Variants in APLP2 observed in about 807,000 individuals in gnomAD.
The protein encoded by APLP2 is amyloid beta precursor like protein 2, also known as CDEI box-binding protein.
In APLP2, 53 loss-of-function variants were observed where a neutral mutation model predicts 89.9. That is an observed-to-expected ratio of 0.59 (90% CI 0.47 to 0.74). The LOEUF is 0.74. APLP2 is among the 30% of genes least tolerant of loss of function. APLP2 has a pLI of 0.00. For synonymous variants in APLP2, 372 were observed against 348.6 expected (o/e 1.07, Z -0.75); for missense variants, 973 against 975.9 (o/e 1.00, Z 0.04).
chr11:130,084,759 C>T (rs189057016), intron 1 of APLP2, among the ~76,000 whole-genome samples: 19 of 149,906 alleles, frequency 1.3e-4, no homozygotes, highest in Admixed American at 1.1e-3. Flanking sequence ...AATTGTACAC[C>T]TCAAACTAGA....
intron 1 of APLP2, among the ~76,000 whole-genome samples, chr11:130,081,509 C>A (rs1340110954): frequency 6.6e-6 from 1 of 152,080 alleles, no homozygotes; most frequent in East Asian, 1.9e-4. Context: ...ATAACTGGTG[C>A]TTTTTTGGTG....
intron 11 of APLP2, among the ~76,000 whole-genome samples, chr11:130,130,816 A>G (rs1267170430): frequency 6.6e-6 from 1 of 152,202 alleles, no homozygotes; most frequent in East Asian, 1.9e-4. Flanking sequence ...TGTGAGTGTC[A>G]GGGTACATGG....
chr11:130,124,918 C>A (rs949391863), intron 7 of APLP2, among the ~76,000 whole-genome samples: 1 of 152,204 alleles, frequency 6.6e-6, no homozygotes, highest in African/African-American at 2.4e-5. Context: ...GGACTGAAGC[C>A]TGAGGAATCC....
At chr11:130,084,106 C>T (rs1414900435) in intron 1 of APLP2, among the ~76,000 whole-genome samples, 5 of 152,066 alleles carry the variant, frequency 3.3e-5, no homozygotes, top group South Asian at 2.1e-4. Flanking sequence ...ATTAGCCAGG[C>T]GTGGTGGCGG....
chr11:130,083,310 C>A (rs1943556894), intron 1 of APLP2, among the ~76,000 whole-genome samples: 1 of 152,000 alleles, frequency 6.6e-6, no homozygotes, highest in Admixed American at 6.6e-5. Context: ...GCTGTGATTG[C>A]AGGTGTGGGC....
Position 130,133,680 on chromosome 11 carries a change from C to T in APLP2, c.1636C>T (p.Leu546=), listed in dbSNP as rs1951196439. The change falls in exon 12 of 17, where the codon CTG becomes TTG. Residue 546 remains leucine (L), a synonymous_variant. Coordinates refer to ENST00000338167, the MANE Select transcript of APLP2 (RefSeq NM_001142276.2). ...IEERRNQSLS[L]LYKVPYVAQE... ...AGAAAGGAGGAACCAAAGCCTCTCT[C>T]TGCTCTACAAAGTACCTTATGTAGC... The T allele has an allele frequency of 6.2e-7, 1 of 1,614,122 alleles. No homozygotes were observed.
intron 1 of APLP2, among the ~76,000 whole-genome samples, chr11:130,091,683 C>T (rs1945256623): frequency 7.7e-6 from 1 of 130,046 alleles, no homozygotes; most frequent in African/African-American, 3.1e-5. Context: ...AGAGGCGCCC[C>T]TCACCTCCCG....
rs748491890 is a variant in APLP2 at position 130,133,750 on chromosome 11, C to T, written c.1684+22C>T. The T allele has an allele frequency of 1.9e-6, 3 of 1,567,186 alleles. No homozygotes were observed. The African/African-American group carries it at 4.1e-5, about 21-fold the overall frequency. On this transcript the variant is annotated intron_variant, in intron 12 of 16. Transcript: ENST00000338167. Reference sequence around the variant, plus strand: ...ATTGGTGGGTACCAGCTCTTTGTGTCAAGGTCATACGGGACTTCTTGCAGA... The same window carrying T: ...ATTGGTGGGTACCAGCTCTTTGTGTTAAGGTCATACGGGACTTCTTGCAGA...
At chr11:130,079,750 T>C (rs1336613337) in intron 1 of APLP2, among the ~76,000 whole-genome samples, 1 of 152,248 alleles carries the variant, frequency 6.6e-6, no homozygotes, top group Non-Finnish European at 1.5e-5. Flanking sequence ...CTTGCTTTGC[T>C]GCCCCAGCTA....
At chr11:130,090,215 A>G (rs1040310073) in intron 1 of APLP2, among the ~76,000 whole-genome samples, 13 of 146,978 alleles carry the variant, frequency 8.8e-5, no homozygotes, top group Non-Finnish European at 1.8e-4. Context: ...GCGTCAAAAG[A>G]TGCTGGTGGA....
chr11:130,129,961 C>A lies in APLP2; in HGVS notation c.1456-77C>A, dbSNP rs990778932. On this transcript the variant is annotated intron_variant, in intron 10 of 16. Transcript: ENST00000338167. ...GCTGAGCTTTACATTCTTAAGTGAA[C>A]TTTTTAAGCTTTTGTTTTCCTGCCT... 9 of 1,524,106 alleles carry A rather than the reference C, an allele frequency of 5.9e-6. No homozygotes were observed. The African/African-American group carries it at 1.1e-4, about 19-fold the overall frequency. 94.4% of individuals were successfully genotyped at this position (1,524,106 alleles called of 1,614,324 possible). A position where few individuals can be genotyped will look rare whatever the true frequency, so the allele number is the denominator to read the frequency against.
chr11:130,077,776 A>G (rs1942387101), intron 1 of APLP2, among the ~76,000 whole-genome samples: 1 of 152,234 alleles, frequency 6.6e-6, no homozygotes, highest in African/African-American at 2.4e-5. Flanking sequence ...CATATTTATC[A>G]ACACATAGTG....
In APLP2 at chr11:130,141,990, A is replaced by G; in HGVS notation, c.2070A>G (p.Ala690=). 6.2e-7 allele frequency: 1 copy of G among 1,614,120 alleles called. No individual in the cohort carries two copies. The highest frequency in any genetic ancestry group is 1.3e-5 in the African/African-American group (1 of 75,054). Reference sequence around the variant, plus strand: ...CTCTCATTGGCCTGCTGGTCATCGCAGTGGCCATTGCCACGGTCATCGTCA... The same window carrying G: ...CTCTCATTGGCCTGCTGGTCATCGCGGTGGCCATTGCCACGGTCATCGTCA... ...SSALIGLLVI[A]VAIATVIVIS... Residue 690 remains alanine, a synonymous_variant, in exon 16 of 17, where the codon GCA becomes GCG. Transcript: ENST00000338167. This position sits in a 1 kb window ranked among gnomAD's most constrained non-coding sequence, Gnocchi z 4.2.
intron 1 of APLP2, among the ~76,000 whole-genome samples, chr11:130,072,777 C>T (rs903249348): frequency 1.3e-5 from 2 of 152,116 alleles, no homozygotes; most frequent in African/African-American, 2.4e-5. Flanking sequence ...GCGCCCGGCC[C>T]GTTATTTTTA....
At chr11:130,140,570 A>G in intron 14 of APLP2, 87 bp downstream of exon 14, 1 of 1,132,242 alleles carries the variant, frequency 8.8e-7, no homozygotes, top group Non-Finnish European at 1.2e-6. Flanking sequence ...TTCCAGGTGC[A>G]CGTCTCTGTG....
In APLP2 at chr11:130,132,519, C is replaced by T. The variant is rs77488775; in HGVS notation, c.1585-1110C>T. Among the ~76,000 whole-genome samples the T allele has an allele frequency of 5.9e-3, 891 of 152,050 alleles. 8 individuals carry two copies. The highest frequency in any genetic ancestry group is 0.02 in the African/African-American group (838 of 41,476). On this transcript the variant is annotated intron_variant, in intron 11 of 16. Coordinates refer to ENST00000338167, the MANE Select transcript of APLP2 (RefSeq NM_001142276.2). ...TTGTGGGAGCTACAGCAACACACCT[C>T]GCCGTGTCATTGGGGTGGATGCTAG...
intron 1 of APLP2, among the ~76,000 whole-genome samples, chr11:130,099,768 G>A (rs148344666): frequency 8.7e-4 from 133 of 152,334 alleles, no homozygotes; most frequent in Non-Finnish European, 1.7e-3. Context: ...GGCCAGTCAT[G>A]TGGGGACTTT....
At chr11:130,090,897 A>ACCC (rs71084496) in intron 1 of APLP2, among the ~76,000 whole-genome samples, 120 of 95,048 alleles carry the variant, frequency 1.3e-3, no homozygotes, top group African/African-American at 5.8e-3. Context: ...GGGGGGGCTG[A>ACCC]CCCCCCCCAT....
intron 1 of APLP2, among the ~76,000 whole-genome samples, chr11:130,107,358 C>T (rs1024623870): frequency 1.3e-5 from 2 of 152,142 alleles, no homozygotes; most frequent in African/African-American, 2.4e-5. Flanking sequence ...TTAGATTTTT[C>T]CTTTGCCTAA....
Sources: allele counts gnomAD v4.1 joint callset (sites outside exome capture counted in the v4.1 genomes callset), GRCh38; gene constraint gnomAD v4.1.1; non-coding constraint Gnocchi (gnomAD v3.1); transcripts MANE v1.5; gene names NCBI Gene and HGNC (gene_info 2026-07-23, HGNC 2026-07-21).